ZNF804B: variants seen among roughly 807,000 people sequenced by gnomAD.
The protein encoded by ZNF804B is zinc finger protein 804B, also known as zinc finger 804B.
A neutral mutation model predicts 101.4 loss-of-function variants in ZNF804B; 80 were observed. The ratio of observed to expected loss-of-function variants is 0.79; its 90% CI spans 0.66 to 0.95. The LOEUF is 0.95. ZNF804B is among the 40% of genes least tolerant of loss of function. The probability of loss-of-function intolerance (pLI) is 0.00; values close to 1 mark genes in which losing one functional copy is unlikely to be tolerated. For synonymous variants in ZNF804B, 622 were observed against 558.8 expected, an observed-to-expected ratio of 1.11 and a Z score of -1.59; for missense variants, 1,673 against 1,561.9, an observed-to-expected ratio of 1.07 and a Z score of -1.20.
intron 1 of ZNF804B, among the ~76,000 whole-genome samples, chr7:88,899,916 T>C (rs1342956342): frequency 2.6e-5 from 4 of 152,174 alleles, no homozygotes; most frequent in Non-Finnish European, 5.9e-5. Flanking sequence ...AATTAACATA[T>C]GGATTTCATA....
chr7:89,097,953 G>C (rs963605265), intron 1 of ZNF804B, among the ~76,000 whole-genome samples: 2 of 152,012 alleles, frequency 1.3e-5, no homozygotes, highest in Non-Finnish European at 2.9e-5. Context: ...TTGCTTAGCT[G>C]TCATTTACCT....
In ZNF804B at chr7:89,335,231, T is replaced by C. The variant is rs143293437; in HGVS notation, c.2249T>C (p.Val750Ala). 7.4e-5 allele frequency: 120 copies of C among 1,613,746 alleles called. No homozygotes were observed. The highest frequency in any genetic ancestry group is 9.6e-5 in the Non-Finnish European group (113 of 1,179,958). Residue 750 changes from valine to alanine, a missense_variant, in exon 4 of 4, where the codon GTT becomes GCT. Transcript: ENST00000333190. ...LCFHKREHHSVERHKRKCLKH... is the reference protein window; with the variant it reads ...LCFHKREHHSAERHKRKCLKH... Reference sequence around the variant, plus strand: ...TTCCATAAAAGAGAACACCACTCAGTTGAAAGGCACAAACGGAAATGTCTA... The same window carrying C: ...TTCCATAAAAGAGAACACCACTCAGCTGAAAGGCACAAACGGAAATGTCTA...
chr7:89,037,169 C>T (rs1258390264), intron 1 of ZNF804B, among the ~76,000 whole-genome samples: 1 of 152,084 alleles, frequency 6.6e-6, no homozygotes, highest in Non-Finnish European at 1.5e-5. Context: ...GGGCAATGCT[C>T]ACATTTCAGT....
intron 1 of ZNF804B, among the ~76,000 whole-genome samples, chr7:88,854,398 T>TTC (rs1562812501): frequency 1.6e-4 from 22 of 134,934 alleles, no homozygotes; most frequent in Middle Eastern, 3.6e-3. Flanking sequence ...TTTCTTTCTT[T>TTC]CTTTCTTTCT....
At chr7:89,196,648 T>C (rs1788557860) in intron 1 of ZNF804B, among the ~76,000 whole-genome samples, 1 of 152,074 alleles carries the variant, frequency 6.6e-6, no homozygotes, top group Non-Finnish European at 1.5e-5. Context: ...ACTAAAGAGC[T>C]TCTGTATAGC....
intron 1 of ZNF804B, among the ~76,000 whole-genome samples, chr7:88,855,602 A>G (rs2115842542): frequency 6.6e-6 from 1 of 152,180 alleles, no homozygotes; most frequent in African/African-American, 2.4e-5. Flanking sequence ...GAAGTTCTTT[A>G]GTTTAATTAG....
intron 1 of ZNF804B, among the ~76,000 whole-genome samples, chr7:88,817,974 G>A (rs916918840): frequency 6.6e-6 from 1 of 152,036 alleles, no homozygotes; most frequent in Non-Finnish European, 1.5e-5. Flanking sequence ...TTTTTTACTG[G>A]ACAGATAATT....
At chr7:89,094,541 CT>C (rs1003836713) in intron 1 of ZNF804B, among the ~76,000 whole-genome samples, 5 of 151,958 alleles carry the variant, frequency 3.3e-5, no homozygotes, top group Admixed American at 3.3e-4. Context: ...GGTACACTCA[CT>C]TTTTTAAAAA....
At chr7:89,089,377 C>T (rs1789850855) in intron 1 of ZNF804B, among the ~76,000 whole-genome samples, 1 of 151,724 alleles carries the variant, frequency 6.6e-6, no homozygotes, top group South Asian at 2.1e-4. Context: ...TTTCCCATTT[C>T]TCTGAATAGG....
intron 1 of ZNF804B, among the ~76,000 whole-genome samples, chr7:88,774,609 T>C (rs1790116811): frequency 6.6e-6 from 1 of 152,206 alleles, no homozygotes; most frequent in Admixed American, 6.5e-5. Flanking sequence ...CTATTCATCC[T>C]ACTAAGTATT....
chr7:89,220,980 TA>T (rs1337447126), intron 2 of ZNF804B, among the ~76,000 whole-genome samples: 1 of 151,954 alleles, frequency 6.6e-6, no homozygotes, highest in Non-Finnish European at 1.5e-5. Flanking sequence ...AATTCAGACA[TA>T]TTTTTTTCAT....
At chr7:89,116,935 C>T (rs1473358944) in intron 1 of ZNF804B, among the ~76,000 whole-genome samples, 1 of 152,030 alleles carries the variant, frequency 6.6e-6, no homozygotes, top group Non-Finnish European at 1.5e-5. Flanking sequence ...GAGATGTTAT[C>T]CTGATTATCT....
chr7:89,288,905 A>G (rs1337417814), intron 2 of ZNF804B, among the ~76,000 whole-genome samples: 4 of 152,246 alleles, frequency 2.6e-5, no homozygotes, highest in Admixed American at 1.3e-4. Context: ...TCTCTAAAGT[A>G]TGATAATAAT....
chr7:88,859,015 A>G (rs1464809754), intron 1 of ZNF804B, among the ~76,000 whole-genome samples: 3 of 152,108 alleles, frequency 2.0e-5, no homozygotes, highest in African/African-American at 7.2e-5. Context: ...AATGAACACC[A>G]TTATGAACGC....
chr7:88,974,871 C>G lies in ZNF804B; in HGVS notation c.108+214787C>G, dbSNP rs151060300. 1.9e-3 allele frequency among the ~76,000 whole-genome samples: 287 copies of G among 151,346 alleles called. 2 individuals are homozygous for G. Among genetic ancestry groups the G allele is most frequent in the African/African-American group, 6.7e-3 (277 of 41,450 alleles). On this transcript the variant is annotated intron_variant, in intron 1 of 3. Transcript: ENST00000333190. ...AGTCACCCTGTTGTGTAAGCAAGTACTGGATCTTTTTCTTTCTTTCTAACA... is the reference window on the plus strand; with the variant it reads ...AGTCACCCTGTTGTGTAAGCAAGTAGTGGATCTTTTTCTTTCTTTCTAACA...
At chr7:89,272,503 A>G (rs924447505) in intron 2 of ZNF804B, among the ~76,000 whole-genome samples, 1 of 152,112 alleles carries the variant, frequency 6.6e-6, no homozygotes, top group African/African-American at 2.4e-5. Context: ...AATCATTAGA[A>G]AGTTGTTCTT....
intron 1 of ZNF804B, among the ~76,000 whole-genome samples, chr7:89,190,335 TAAA>T (rs375967399): frequency 2.4e-5 from 3 of 124,930 alleles, no homozygotes; most frequent in African/African-American, 2.9e-5. Flanking sequence ...AACTCCGTCT[TAAA>T]AAAAAAAAAA....
intron 1 of ZNF804B, among the ~76,000 whole-genome samples, chr7:88,952,242 A>G (rs553477719): frequency 3.9e-4 from 59 of 151,900 alleles, no homozygotes; most frequent in Non-Finnish European, 1.5e-4. Context: ...AATTATTGTC[A>G]TTAGTATCAT....
intron 1 of ZNF804B, among the ~76,000 whole-genome samples, chr7:89,191,156 C>A (rs1430631194): frequency 6.6e-6 from 1 of 151,850 alleles, no homozygotes; most frequent in Non-Finnish European, 1.5e-5. Flanking sequence ...AAAACAAATA[C>A]CCAAACTAAA....
Sources: gnomAD v4.1 joint callset for allele counts (sites outside exome capture counted in the v4.1 genomes callset) on GRCh38, gnomAD v4.1.1 for gene constraint, MANE v1.5 for transcripts, NCBI Gene and HGNC (gene_info 2026-07-23, HGNC 2026-07-21) for gene names.